The following ARHGAP32 variants were observed in gnomAD, a reference collection of about 807,000 sequenced individuals.
ARHGAP32 encodes the protein rho GTPase-activating protein 32.
In ARHGAP32, 51 loss-of-function variants were observed where a neutral mutation model predicts 186.5. The ratio of observed to expected loss-of-function variants is 0.27; its 90% CI spans 0.22 to 0.35. ARHGAP32 has a LOEUF of 0.35. ARHGAP32 is among the 10% of genes least tolerant of loss of function. The pLI is 1.00. For synonymous variants in ARHGAP32, 950 were observed against 964.3 expected, an observed-to-expected ratio of 0.99 and a Z score of 0.27; for missense variants, 2,186 against 2,623.5, an observed-to-expected ratio of 0.83 and a Z score of 3.64.
rs184960459 is a variant in ARHGAP32, at chr11:129,051,848, G to A, written c.963+10432C>T. 1.1e-3 allele frequency among the ~76,000 whole-genome samples: 173 copies of A among 150,754 alleles called. 1 individual carries two copies. The highest frequency in any genetic ancestry group is 3.9e-3 in the African/African-American group (161 of 41,086). ...CCTGCGCCTGTAGTCCCAACTACTC[G>A]GGAAGCTGAAGTGGGAGAATCGCTT... is the stretch of plus-strand genomic sequence containing the variant. On this transcript the variant is annotated intron_variant, in intron 10 of 22. Transcript: ENST00000682385.
intron 12 of ARHGAP32, among the ~76,000 whole-genome samples, chr11:128,996,300 T>C (rs1311475166): frequency 1.5e-5 from 1 of 67,584 alleles, no homozygotes; most frequent in Non-Finnish European, 3.7e-5. Context: ...TTAAAATTAC[T>C]TTAATTTTCT....
At chr11:129,108,841 A>C (rs1942122744) in intron 5 of ARHGAP32, among the ~76,000 whole-genome samples, 1 of 152,198 alleles carries the variant, frequency 6.6e-6, no homozygotes, top group East Asian at 1.9e-4. Flanking sequence ...TTTTGTTACA[A>C]GCACAGAAAG....
At chr11:128,976,440 G>T in intron 20 of ARHGAP32, 123 bp downstream of exon 20, 1 of 740,534 alleles carries the variant, frequency 1.4e-6, no homozygotes, top group Non-Finnish European at 2.3e-6. Flanking sequence ...ATAGACACTA[G>T]TATTCCTAGG....
At chr11:129,103,474 A>C (rs549537311) in intron 5 of ARHGAP32, among the ~76,000 whole-genome samples, 108 of 152,234 alleles carry the variant, frequency 7.1e-4, no homozygotes, top group African/African-American at 2.5e-3. Flanking sequence ...AGAGAGAATG[A>C]AGCAGAATAT....
chr11:129,045,851 G>A (rs1020885845), intron 10 of ARHGAP32, among the ~76,000 whole-genome samples: 18 of 152,120 alleles, frequency 1.2e-4, no homozygotes, highest in African/African-American at 4.3e-4. Flanking sequence ...CCAGCATCTA[G>A]GGCCCATGAC....
chr11:129,227,511 T>C (rs758154546), intron 1 of ARHGAP32, among the ~76,000 whole-genome samples: 1 of 150,622 alleles, frequency 6.6e-6, no homozygotes, highest in Non-Finnish European at 1.5e-5. Context: ...GATCCAAATA[T>C]ATGCTTTCTA....
At position 129,178,874 on chromosome 11, in the gene ARHGAP32, T is replaced by C. The variant is rs1194639183; in HGVS notation, c.116+13209A>G. On this transcript the variant is annotated intron_variant, in intron 1 of 22. Coordinates refer to ENST00000682385, the MANE Select transcript of ARHGAP32 (RefSeq NM_001378024.1). ...AACCTAGGCATTACCATTCAGGACA[T>C]AGGCATGGGCAAGAACTTCATGTCT... is the stretch of plus-strand genomic sequence containing the variant. Among the ~76,000 whole-genome samples the C allele has an allele frequency of 5.3e-5, 8 of 151,962 alleles. No individual in the cohort carries two copies. The East Asian group carries it at 5.8e-4, about 11-fold the overall frequency.
chr11:129,082,819 T>C (rs1941259862), intron 6 of ARHGAP32, among the ~76,000 whole-genome samples: 1 of 152,002 alleles, frequency 6.6e-6, no homozygotes, highest in South Asian at 2.1e-4. Flanking sequence ...CTCCACAAAC[T>C]ATGCATCAGA....
Position 129,183,153 on chromosome 11 carries a change from G to A in ARHGAP32, c.116+8930C>T, listed in dbSNP as rs564491908. 2.6e-5 allele frequency among the ~76,000 whole-genome samples: 4 copies of A among 152,018 alleles called. No homozygotes were observed. The East Asian group carries it at 7.7e-4, about 29-fold the overall frequency. On this transcript the variant is annotated intron_variant, in intron 1 of 22. Coordinates refer to ENST00000682385, the MANE Select transcript of ARHGAP32 (RefSeq NM_001378024.1). ...CATACCTAAATATTCCTATGAACGT[G>A]GGTATATTTTCTAGGATTTCCATTC...
At chr11:129,161,897 A>G (rs1943537775) in intron 2 of ARHGAP32, among the ~76,000 whole-genome samples, 1 of 152,210 alleles carries the variant, frequency 6.6e-6, no homozygotes, top group Admixed American at 6.5e-5. Context: ...GAACCAACCC[A>G]AATGCCCATC....
intron 1 of ARHGAP32, among the ~76,000 whole-genome samples, chr11:129,238,238 C>A (rs1049844393): frequency 6.6e-6 from 1 of 151,952 alleles, no homozygotes; most frequent in African/African-American, 2.4e-5. Flanking sequence ...ATACAGAGCA[C>A]CTTCATATTA....
rs1591717356 is a variant in ARHGAP32 at position 129,247,116 on chromosome 11, A to G, written c.-5+32030T>C. ...CCCAGCCATCCTTTGCATCTAGTAA[A>G]TTGTTAATAATGTATATTAAATGAT... On this transcript the variant is annotated intron_variant, in intron 1 of 6. Coordinates refer to the ARHGAP32 transcript ENST00000525234. Among the ~76,000 whole-genome samples, 3 of 152,316 alleles carry G rather than the reference A, an allele frequency of 2.0e-5. No homozygotes were observed. The East Asian group carries it at 5.8e-4, about 29-fold the overall frequency.
chr11:129,073,920 GAGAGT>G (rs1389603025), intron 6 of ARHGAP32, among the ~76,000 whole-genome samples: 3 of 152,114 alleles, frequency 2.0e-5, no homozygotes, highest in African/African-American at 7.2e-5. Context: ...GAAGCAAGAA[GAGAGT>G]AGAGTAAATG....
At chr11:129,177,703 T>C (rs11533195) in intron 1 of ARHGAP32, among the ~76,000 whole-genome samples, 4 of 151,984 alleles carry the variant, frequency 2.6e-5, no homozygotes, top group African/African-American at 7.2e-5. Context: ...ATTATCTCAA[T>C]AGATGCAGAA....
intron 19 of ARHGAP32, among the ~76,000 whole-genome samples, chr11:128,978,240 T>C (rs554483879): frequency 1.3e-5 from 2 of 152,272 alleles, no homozygotes; most frequent in East Asian, 3.9e-4. Flanking sequence ...CTACTATCCT[T>C]CCTAGATTCA....
At chr11:129,131,110 T>C (rs1404254847) in intron 2 of ARHGAP32, among the ~76,000 whole-genome samples, 1 of 152,130 alleles carries the variant, frequency 6.6e-6, no homozygotes, top group Non-Finnish European at 1.5e-5. Context: ...TACATTTATA[T>C]GAAGTTCAAG....
At chr11:129,206,019 C>T (rs1260402361) in intron 1 of ARHGAP32, among the ~76,000 whole-genome samples, 1 of 152,000 alleles carries the variant, frequency 6.6e-6, no homozygotes, top group Non-Finnish European at 1.5e-5. Context: ...TACTCCCCAC[C>T]CCCATCTGAC....
intron 1 of ARHGAP32, among the ~76,000 whole-genome samples, chr11:129,272,592 C>T (rs1945485918): frequency 1.3e-5 from 2 of 152,062 alleles, no homozygotes; most frequent in South Asian, 4.2e-4. Context: ...CCAGATAAAC[C>T]CTGAGGATCC....
rs201110927 is a variant in ARHGAP32 at position 128,974,707 on chromosome 11, A to C, written c.2490T>G (p.Ala830=). ...KAESECLESG[A]SFLDSPGYSK... ...AGTATCCTGGTGAATCTAAAAAGGAAGCACCACTCTCCAGACATTCTGATT... is the reference window on the plus strand; with the variant it reads ...AGTATCCTGGTGAATCTAAAAAGGACGCACCACTCTCCAGACATTCTGATT... Residue 830 remains alanine (A), a synonymous_variant, in exon 21 of 23, where the codon GCT becomes GCG. Coordinates refer to ENST00000682385, the MANE Select transcript of ARHGAP32 (RefSeq NM_001378024.1). 42 of 1,614,204 alleles carry C rather than the reference A, an allele frequency of 2.6e-5. No homozygotes were observed. Among genetic ancestry groups the C allele is most frequent in the Non-Finnish European group, 3.5e-5 (41 of 1,180,034 alleles).
Sources: gnomAD v4.1 joint callset for allele counts (sites outside exome capture counted in the v4.1 genomes callset) on GRCh38, gnomAD v4.1.1 for gene constraint, MANE v1.5 for transcripts, NCBI Gene and HGNC (gene_info 2026-07-23, HGNC 2026-07-21) for gene names.